HYDIN: variants seen among roughly 807,000 people sequenced by gnomAD.
HYDIN encodes the protein HYDIN axonemal central pair apparatus protein, also known as axonemal central pair apparatus protein HYDIN.
Under a neutral mutation model 403.9 loss-of-function variants are expected in HYDIN, and 132 were observed. That is an observed-to-expected ratio of 0.33 (90% CI 0.28 to 0.38). The LOEUF is 0.38. Among genes scored for constraint, HYDIN ranks in the 10% least tolerant of loss-of-function variants. HYDIN has a pLI of 1.00. For synonymous variants in HYDIN, 1,202 were observed against 1,891.7 expected (o/e 0.64, Z 9.46); for missense variants, 2,827 against 5,009.5 (o/e 0.56, Z 13.15).
At chr16:71,162,076 GC>G (rs2086022789) in intron 6 of HYDIN, among the ~76,000 whole-genome samples, 1 of 132,206 alleles carries the variant, frequency 7.6e-6, no homozygotes, top group South Asian at 2.7e-4. Context: ...AGGGAATGCA[GC>G]CCTGCTCTCA....
chr16:70,977,798 G>A (rs1477847155), intron 30 of HYDIN, among the ~76,000 whole-genome samples: 77 of 150,998 alleles, frequency 5.1e-4, no homozygotes, highest in African/African-American at 1.6e-3. Context: ...AGAGACCCTC[G>A]CTTGGCTCCC....
chr16:71,098,720 T>G (rs2083362072), intron 10 of HYDIN, among the ~76,000 whole-genome samples: 1 of 147,370 alleles, frequency 6.8e-6, no homozygotes, highest in East Asian at 2.0e-4. Flanking sequence ...TCTGTTACCT[T>G]GACTGCCTTT....
intron 75 of HYDIN, among the ~76,000 whole-genome samples, chr16:70,848,264 G>A (rs944717934): frequency 5.4e-5 from 8 of 148,876 alleles, no homozygotes; most frequent in Non-Finnish European, 1.2e-4. Context: ...GTGTCCTATA[G>A]TTCTTTGAAC....
intron 11 of HYDIN, among the ~76,000 whole-genome samples, chr16:71,089,180 C>T (rs1260318903): frequency 6.6e-6 from 1 of 151,244 alleles, no homozygotes; most frequent in Non-Finnish European, 1.5e-5. Context: ...CATGTTATTG[C>T]CCATAGGTGG....
chr16:71,170,067 A>G (rs1251547178), intron 5 of HYDIN, among the ~76,000 whole-genome samples: 1 of 152,194 alleles, frequency 6.6e-6, no homozygotes, highest in Non-Finnish European at 1.5e-5. Context: ...GCTTCAGCCT[A>G]TTCTCTACTT....
intron 23 of HYDIN, among the ~76,000 whole-genome samples, chr16:71,006,573 T>C (rs944708801): frequency 6.6e-6 from 1 of 152,124 alleles, no homozygotes; most frequent in African/African-American, 2.4e-5. Context: ...TCACAGGCAG[T>C]TGGGGTATGA....
intron 23 of HYDIN, among the ~76,000 whole-genome samples, chr16:71,006,996 T>C (rs1397633117): frequency 6.7e-6 from 1 of 149,954 alleles, no homozygotes; most frequent in African/African-American, 2.5e-5. Flanking sequence ...TCTCTCCCTG[T>C]CTCTTCCCTC....
intron 10 of HYDIN, among the ~76,000 whole-genome samples, chr16:71,097,498 G>T (rs1057207610): frequency 2.1e-5 from 3 of 145,434 alleles, no homozygotes; most frequent in East Asian, 2.0e-4. Flanking sequence ...GGTGTTCTTA[G>T]AGAGAAAGAG....
chr16:71,190,333 G>C (rs1018238182), intron 1 of HYDIN, among the ~76,000 whole-genome samples: 1 of 113,992 alleles, frequency 8.8e-6, no homozygotes, highest in African/African-American at 4.3e-5. Flanking sequence ...CCAAAGATGA[G>C]ACAATTTGAG....
chr16:70,881,224 CAAA>C lies in HYDIN; in HGVS notation c.10215+1433_10215+1435del, dbSNP rs58562653. Reference sequence around the variant, plus strand: ...CTGGGCAACGAGAGTGAGACTGTCTCAAAAAAAAAAAAAAAAAAAATCAGTCTT... The same window carrying C: ...CTGGGCAACGAGAGTGAGACTGTCTCAAAAAAAAAAAAAAAAATCAGTCTT... On this transcript the variant is annotated intron_variant, in intron 60 of 85. Transcript: ENST00000393567. Among the ~76,000 whole-genome samples the C allele has an allele frequency of 2.9e-3, 162 of 56,652 alleles. 1 individual carries two copies. The highest frequency in any genetic ancestry group is 0.015 in the African/African-American group (143 of 9,830). 37.2% of individuals were successfully genotyped at this position (56,652 alleles called of 152,430 possible).
At chr16:71,210,016 T>C (rs147493862) in intron 1 of HYDIN, among the ~76,000 whole-genome samples, 14 of 152,324 alleles carry the variant, frequency 9.2e-5, no homozygotes, top group African/African-American at 2.6e-4. Flanking sequence ...AATTAATACA[T>C]TCTTCATGGA....
At chr16:70,892,661 A>G (rs1279421192) in intron 55 of HYDIN, 132 bp from the exon 56 acceptor site, 2 of 781,662 alleles carry the variant, frequency 2.6e-6, no homozygotes, top group East Asian at 5.5e-5. Context: ...GGCGGAGTCC[A>G]CTGTGCTTTG....
chr16:71,207,222 A>C (rs1405373019), intron 1 of HYDIN, among the ~76,000 whole-genome samples: 3 of 152,218 alleles, frequency 2.0e-5, no homozygotes, highest in Non-Finnish European at 4.4e-5. Flanking sequence ...GACTAACAGC[A>C]TATTTCTCAG....
chr16:70,868,903 G>A (rs1333063190), intron 65 of HYDIN, 115 bp from the exon 66 acceptor site: 2 of 920,022 alleles, frequency 2.2e-6, no homozygotes, highest in African/African-American at 1.7e-5. Flanking sequence ...AAAAATGCAT[G>A]TTAAGCCTGT....
intron 13 of HYDIN, among the ~76,000 whole-genome samples, chr16:71,074,334 G>T (rs112554843): frequency 3.4e-5 from 5 of 148,822 alleles, no homozygotes; most frequent in African/African-American, 1.0e-4. Flanking sequence ...ACAAGCTTAT[G>T]CTCATCTGTC....
intron 75 of HYDIN, among the ~76,000 whole-genome samples, chr16:70,847,747 A>C (rs543097692): frequency 6.6e-6 from 1 of 152,150 alleles, no homozygotes; most frequent in South Asian, 2.1e-4. Context: ...ACAGTTTGGT[A>C]ATGATGTGTC....
At chr16:70,937,928 G>C (rs1567864511) in intron 44 of HYDIN, among the ~76,000 whole-genome samples, 1 of 152,088 alleles carries the variant, frequency 6.6e-6, no homozygotes, top group Non-Finnish European at 1.5e-5. Flanking sequence ...ATCCCTCTGA[G>C]ATAGCCCGAG....
intron 7 of HYDIN, among the ~76,000 whole-genome samples, chr16:71,151,987 A>G (rs1294288860): frequency 6.6e-6 from 1 of 152,214 alleles, no homozygotes; most frequent in Non-Finnish European, 1.5e-5. Flanking sequence ...GTGGGCACAT[A>G]TAAGAACATT....
chr16:71,134,598 C>G (rs1597855034), intron 8 of HYDIN, among the ~76,000 whole-genome samples: 1 of 152,196 alleles, frequency 6.6e-6, no homozygotes, highest in East Asian at 1.9e-4. Context: ...GATGTGTGGC[C>G]TGGGACACGA....
Sources: allele counts gnomAD v4.1 joint callset (sites outside exome capture counted in the v4.1 genomes callset), GRCh38; gene constraint gnomAD v4.1.1; transcripts MANE v1.5; gene names NCBI Gene and HGNC (gene_info 2026-07-23, HGNC 2026-07-21).